Variants in FARP1 observed in about 807,000 individuals in gnomAD.
FARP1 encodes FERM, ARH/RhoGEF and pleckstrin domain protein 1.
FARP1 carries 52 observed loss-of-function variants against 128.8 expected under a neutral mutation model. That is an observed-to-expected ratio of 0.40 (90% confidence interval 0.32 to 0.51). The LOEUF (loss-of-function observed/expected upper bound fraction) is 0.51. Ranked by LOEUF, FARP1 falls within the 20% of genes least tolerant of loss-of-function variation. The pLI is 0.45. For synonymous variants in FARP1, 580 were observed against 551.8 expected (o/e 1.05, Z -0.72); for missense variants, 1,333 against 1,367.9 (o/e 0.97, Z 0.40).
At chr13:98,396,339 G>C in intron 13 of FARP1, 1 of 399,186 alleles carries the variant, frequency 2.5e-6, no homozygotes, top group Non-Finnish European at 4.4e-6. Flanking sequence ...CAGACTCTGA[G>C]ATGCTGATCC....
intron 2 of FARP1, among the ~76,000 whole-genome samples, chr13:98,213,935 A>T (rs1594279218): frequency 6.6e-6 from 1 of 151,820 alleles, no homozygotes; most frequent in Non-Finnish European, 1.5e-5. Context: ...TGTGCATGCA[A>T]CCCCACAGGG....
At chr13:98,213,194 T>G (rs1341212331) in intron 1 of FARP1, 26 bp from the exon 2 acceptor site, 1 of 1,583,888 alleles carries the variant, frequency 6.3e-7, no homozygotes, top group Non-Finnish European at 8.6e-7. Context: ...TTCTGATGTG[T>G]TTTTCTTTCT....
At chr13:98,225,862 G>C (rs1040932341) in intron 2 of FARP1, among the ~76,000 whole-genome samples, 32 of 152,166 alleles carry the variant, frequency 2.1e-4, no homozygotes, top group African/African-American at 5.6e-4. Flanking sequence ...TTATTGTTTA[G>C]TGGCACACAA....
chr13:98,369,115 G>A (rs916946963), intron 5 of FARP1, among the ~76,000 whole-genome samples: 4 of 151,946 alleles, frequency 2.6e-5, no homozygotes, highest in African/African-American at 9.7e-5. Context: ...AGTAGAGACA[G>A]CATTTCACCA....
At position 98,241,883 on chromosome 13, in the gene FARP1, C is replaced by T. The variant is rs143371490; in HGVS notation, c.171+28470C>T. 2.6e-5 allele frequency among the ~76,000 whole-genome samples: 4 copies of T among 152,220 alleles called. No individual in the cohort carries two copies. In the East Asian group the frequency reaches 7.7e-4, roughly 29 times the overall value. ...GCAGTGAGCCGAGATTGCGCCACTGCACAACAGCCTGGGCGACAGATTGAG... is the reference window on the plus strand; with the variant it reads ...GCAGTGAGCCGAGATTGCGCCACTGTACAACAGCCTGGGCGACAGATTGAG... On this transcript the variant is annotated intron_variant, in intron 2 of 26. Coordinates refer to ENST00000319562, the MANE Select transcript of FARP1 (RefSeq NM_005766.4).
At chr13:98,444,816 G>A (rs1218994363) in intron 24 of FARP1, among the ~76,000 whole-genome samples, 1 of 152,222 alleles carries the variant, frequency 6.6e-6, no homozygotes, top group Non-Finnish European at 1.5e-5. Flanking sequence ...AAAATACCTA[G>A]GAAAGGGGAG....
intron 1 of FARP1, among the ~76,000 whole-genome samples, chr13:98,173,159 G>A (rs1047864530): frequency 5.3e-5 from 8 of 152,156 alleles, no homozygotes; most frequent in African/African-American, 1.9e-4. Flanking sequence ...CATCATTTCA[G>A]TGCATTTCAG....
chr13:98,379,211 T>C (rs1179507884), intron 6 of FARP1, among the ~76,000 whole-genome samples: 1 of 124,438 alleles, frequency 8.0e-6, no homozygotes, highest in Non-Finnish European at 1.6e-5. Context: ...ATATATAATA[T>C]ATAATATATA....
intron 1 of FARP1, among the ~76,000 whole-genome samples, chr13:98,204,682 T>C (rs896430910): frequency 3.9e-5 from 6 of 152,358 alleles, no homozygotes; most frequent in African/African-American, 1.2e-4. Context: ...GGCTATTGGC[T>C]GCATGTGGTG....
chr13:98,272,773 A>AG (rs1884450146), intron 2 of FARP1, among the ~76,000 whole-genome samples: 1 of 152,188 alleles, frequency 6.6e-6, no homozygotes, highest in Non-Finnish European at 1.5e-5. Flanking sequence ...CTCACATTTC[A>AG]GAGATGATTA....
chr13:98,396,620 A>G, intron 13 of FARP1: 4 of 398,056 alleles, frequency 1.0e-5, no homozygotes, highest in Non-Finnish European at 1.8e-5. Context: ...TTGGACAGGC[A>G]CATGTTTGAA....
At chr13:98,413,045 C>T (rs9584840) in intron 16 of FARP1, among the ~76,000 whole-genome samples, 2,085 of 151,616 alleles carry the variant, frequency 0.014, 38 homozygotes, top group African/African-American at 0.043. Flanking sequence ...GGCATTCAAG[C>T]GTCGGTTTAA....
At chr13:98,214,696 G>T (rs1033803930) in intron 2 of FARP1, among the ~76,000 whole-genome samples, 1 of 152,142 alleles carries the variant, frequency 6.6e-6, no homozygotes, top group Non-Finnish European at 1.5e-5. Flanking sequence ...AATTTATTGC[G>T]CACTGCAAAC....
intron 2 of FARP1, among the ~76,000 whole-genome samples, chr13:98,218,496 G>T (rs1243802429): frequency 6.6e-6 from 1 of 152,166 alleles, no homozygotes; most frequent in Non-Finnish European, 1.5e-5. Flanking sequence ...AACTTTTTGT[G>T]ACTGTATTTG....
intron 14 of FARP1, among the ~76,000 whole-genome samples, chr13:98,409,866 G>A (rs1282703361): frequency 3.9e-5 from 6 of 152,172 alleles, no homozygotes; most frequent in Non-Finnish European, 7.3e-5. Context: ...TTGCCATTTT[G>A]TGACTGGCTT....
At chr13:98,145,982 C>CT (rs1202414697) in intron 1 of FARP1, among the ~76,000 whole-genome samples, 1 of 151,696 alleles carries the variant, frequency 6.6e-6, no homozygotes, top group Admixed American at 6.6e-5. Flanking sequence ...AACAGTGAAG[C>CT]TTATACTCAT....
At chr13:98,209,295 A>G (rs1880509365) in intron 1 of FARP1, among the ~76,000 whole-genome samples, 2 of 150,992 alleles carry the variant, frequency 1.3e-5, no homozygotes, top group African/African-American at 4.9e-5. Context: ...GGCGTGAGCC[A>G]CCGCGCCCAG....
intron 1 of FARP1, among the ~76,000 whole-genome samples, chr13:98,167,823 C>T (rs116706242): frequency 0.026 from 4,028 of 152,192 alleles, 183 homozygotes; most frequent in African/African-American, 0.091. Flanking sequence ...TAATAATAAT[C>T]AGTAGTAATG....
At chr13:98,366,268 A>G (rs1177725677) in intron 4 of FARP1, among the ~76,000 whole-genome samples, 2 of 152,228 alleles carry the variant, frequency 1.3e-5, no homozygotes, top group African/African-American at 2.4e-5. Context: ...ATGTGGATGT[A>G]ATAAACACGC....
Sources: gnomAD v4.1 joint callset for allele counts (sites outside exome capture counted in the v4.1 genomes callset) on GRCh38, gnomAD v4.1.1 for gene constraint, MANE v1.5 for transcripts, NCBI Gene and HGNC (gene_info 2026-07-23, HGNC 2026-07-21) for gene names.